The following LRSAM1 variants were observed in gnomAD, a reference collection of about 807,000 sequenced individuals.
LRSAM1 encodes the protein leucine rich repeat and sterile alpha motif containing 1, also known as E3 ubiquitin-protein ligase LRSAM1.
LRSAM1 carries 96 observed loss-of-function variants against 118.1 expected under a neutral mutation model. The observed-to-expected ratio is 0.81, with a 90% confidence interval of 0.69 to 0.96. LRSAM1 has a LOEUF of 0.96. Ranked by LOEUF, LRSAM1 falls within the 40% of genes least tolerant of loss-of-function variation. The pLI is 0.00. For synonymous variants in LRSAM1, 322 were observed against 364.2 expected (o/e 0.88, Z 1.32); for missense variants, 804 against 915.5 (o/e 0.88, Z 1.57).
intron 6 of LRSAM1, among the ~76,000 whole-genome samples, chr9:127,458,384 G>GTCTCAAAAAAAAAAA (rs1834604381): frequency 7.0e-6 from 1 of 143,790 alleles, no homozygotes; most frequent in Non-Finnish European, 1.5e-5. Flanking sequence ...GCGAGACTTC[G>GTCTCAAAAAAAAAAA]TCTCAAAAAC....
At chr9:127,475,093 A>G (rs1488261089) in intron 11 of LRSAM1, among the ~76,000 whole-genome samples, 1 of 152,072 alleles carries the variant, frequency 6.6e-6, no homozygotes, top group African/African-American at 2.4e-5. Context: ...AGCAAGAATT[A>G]GAGAGGGAGG....
intron 18 of LRSAM1, among the ~76,000 whole-genome samples, chr9:127,489,204 C>T (rs926007133): frequency 2.0e-5 from 3 of 152,150 alleles, no homozygotes; most frequent in Non-Finnish European, 2.9e-5. Flanking sequence ...AGCACCCCCA[C>T]GGTCCACTGT....
At chr9:127,486,215 G>A (rs1445957027) in intron 17 of LRSAM1, among the ~76,000 whole-genome samples, 3 of 152,260 alleles carry the variant, frequency 2.0e-5, no homozygotes, top group Non-Finnish European at 4.4e-5. Context: ...AGCAGGTGGC[G>A]GAGCCAGGAT....
intron 2 of LRSAM1, among the ~76,000 whole-genome samples, chr9:127,452,519 C>G (rs1430472088): frequency 6.6e-6 from 1 of 152,234 alleles, no homozygotes; most frequent in South Asian, 2.1e-4. Context: ...CCATGACTAT[C>G]TTCTCCCTAG....
At position 127,479,538 on chromosome 9, in the gene LRSAM1, C is replaced by T. The variant is rs760457324; in HGVS notation, c.903+33C>T. ...AGCCGCCTGCTAGGGTCCAGCCTGG[C>T]TGCATCCCCCAGCCAGTGGCCTCCT... On this transcript the variant is annotated intron_variant, in intron 13 of 25. Coordinates refer to ENST00000300417, the MANE Select transcript of LRSAM1 (RefSeq NM_001005373.4). The T allele has an allele frequency of 9.9e-6, 16 of 1,612,052 alleles. No individual in the cohort carries two copies. In the South Asian group the frequency reaches 1.8e-4, roughly 18 times the overall value.
chr9:127,502,198 CCA>C (rs1226309922), intron 25 of LRSAM1, among the ~76,000 whole-genome samples: 1 of 152,232 alleles, frequency 6.6e-6, no homozygotes, highest in South Asian at 2.1e-4. Context: ...AATATAATCC[CCA>C]GTTTTATTTA....
Position 127,502,874 on chromosome 9 carries a change from G to A in LRSAM1, c.2147G>A (p.Arg716His), listed in dbSNP as rs770610024. 28 of 1,606,834 alleles carry A rather than the reference G, an allele frequency of 1.7e-5. No homozygotes were observed. The highest frequency in any genetic ancestry group is 1.3e-4 in the East Asian group (6 of 44,508). Residue 716 changes from arginine (R) to histidine (H), a missense_variant, in exon 26 of 26, where the codon CGC becomes CAC. Transcript: ENST00000300417. ...CPLCRQDIAQRLRIYHSS is the reference protein window; with the variant it reads ...CPLCRQDIAQHLRIYHSS The stretch of plus-strand genomic sequence containing the variant: ...CTGTGCCGCCAGGACATCGCCCAGC[G>A]CCTCCGCATCTACCACAGCAGCTGA...
intron 15 of LRSAM1, 61 bp from the exon 16 acceptor site, chr9:127,482,889 T>C: frequency 2.7e-6 from 4 of 1,491,400 alleles, no homozygotes; most frequent in Non-Finnish European, 3.7e-6. Context: ...GGTGTTCATC[T>C]GCTGGGATTC....
Position 127,502,919 on chromosome 9 carries a change from G to A in LRSAM1, c.*20G>A. 6.3e-7 allele frequency: 1 copy of A among 1,579,728 alleles called. No homozygotes were observed. The highest frequency in any genetic ancestry group is 1.1e-5 in the South Asian group (1 of 87,004). On this transcript the variant is annotated 3_prime_UTR_variant, in exon 26 of 26. Transcript: ENST00000300417. ...AGCTGAGTGCTGCCCGCCCACCTGG[G>A]CCTGGTCCTAGCCCTGCCTCGGCCA...
intron 22 of LRSAM1, 75 bp downstream of exon 22, chr9:127,495,493 C>A (rs902352756): frequency 5.1e-6 from 6 of 1,173,988 alleles, no homozygotes; most frequent in South Asian, 2.5e-5. Flanking sequence ...GGTGCCTCCA[C>A]CATGCTCTGC....
At position 127,465,611 on chromosome 9, in the gene LRSAM1, C is replaced by G. The variant is rs1456556360; in HGVS notation, c.529-2129C>G. Among the ~76,000 whole-genome samples the G allele has an allele frequency of 1.3e-5, 2 of 152,242 alleles. No individual in the cohort carries two copies. The highest frequency in any genetic ancestry group is 4.8e-5 in the African/African-American group (2 of 41,460). On this transcript the variant is annotated intron_variant, in intron 9 of 25. Coordinates refer to ENST00000300417, the MANE Select transcript of LRSAM1 (RefSeq NM_001005373.4). This position sits in a 1 kb window ranked among gnomAD's most constrained non-coding sequence, Gnocchi z 4.1. ...CTGGGGCAGTCTCCCACTCCCTGTG[C>G]AAAGCACGTTCACTCAACACCCACC...
chr9:127,479,588 G>A, intron 13 of LRSAM1, 83 bp downstream of exon 13: 3 of 1,582,684 alleles, frequency 1.9e-6, no homozygotes, highest in South Asian at 1.1e-5. Context: ...TCCCTCGGAT[G>A]TGGAAAGGCA....
intron 15 of LRSAM1, 26 bp from the exon 16 acceptor site, chr9:127,482,924 G>A: frequency 6.5e-7 from 1 of 1,549,430 alleles, no homozygotes. Context: ...TAAATTTGCT[G>A]AATGAATGGA....
At chr9:127,458,143 G>A (rs903854102) in intron 6 of LRSAM1, among the ~76,000 whole-genome samples, 2 of 151,950 alleles carry the variant, frequency 1.3e-5, no homozygotes, top group African/African-American at 2.4e-5. Context: ...CACTTTGGGA[G>A]GCCAAGGCGG....
chr9:127,451,605 C>T lies in LRSAM1; in HGVS notation c.-253C>T. 2 of 516,876 alleles carry T rather than the reference C, an allele frequency of 3.9e-6. No individual in the cohort carries two copies. Among genetic ancestry groups the T allele is most frequent in the East Asian group, 3.1e-5 (1 of 31,932 alleles). 32.0% of individuals were successfully genotyped at this position (516,876 alleles called of 1,614,324 possible). ...GAAAGGGGGTTCGGGTAGTTCGCTCCGGAGAAGTCTGAGAAGGGTGGCTCC... is the reference window on the plus strand; with the variant it reads ...GAAAGGGGGTTCGGGTAGTTCGCTCTGGAGAAGTCTGAGAAGGGTGGCTCC... On this transcript the variant is annotated 5_prime_UTR_variant, in exon 1 of 26. Coordinates refer to ENST00000300417, the MANE Select transcript of LRSAM1 (RefSeq NM_001005373.4).
At chr9:127,498,414 G>A (rs760017824) in intron 24 of LRSAM1, among the ~76,000 whole-genome samples, 16 of 152,214 alleles carry the variant, frequency 1.1e-4, no homozygotes, top group Non-Finnish European at 1.8e-4. Context: ...GGTCACCCCC[G>A]GCAGACAAGC....
chr9:127,475,737 T>C lies in LRSAM1; in HGVS notation c.750+1806T>C, dbSNP rs2132052803. Reference sequence around the variant, plus strand: ...TGACAGTAGGTGTCAAAAAAGATTTTATTATTTTTTTATTTTTTTTTGAGA... The same window carrying C: ...TGACAGTAGGTGTCAAAAAAGATTTCATTATTTTTTTATTTTTTTTTGAGA... On this transcript the variant is annotated intron_variant, in intron 11 of 25. Transcript: ENST00000300417. Among the ~76,000 whole-genome samples, 3 of 151,930 alleles carry C rather than the reference T, an allele frequency of 2.0e-5. 1 individual carries two copies. In the Middle Eastern group the frequency reaches 0.01, roughly 517 times the overall value.
rs1233893359 is a variant in LRSAM1 at position 127,462,394 on chromosome 9, G to T, written c.528+21G>T. On this transcript the variant is annotated intron_variant, in intron 9 of 25. Coordinates refer to ENST00000300417, the MANE Select transcript of LRSAM1 (RefSeq NM_001005373.4). ...TGGAGGTAAATGGGAAGCTGTTCTT[G>T]CCTGGGGTGCTCTCTGGCCTGCCCA... 3 of 1,613,598 alleles carry T rather than the reference G, an allele frequency of 1.9e-6. No individual in the cohort carries two copies. The South Asian group carries it at 3.3e-5, about 18-fold the overall frequency.
At chr9:127,463,637 T>A (rs1834830886) in intron 9 of LRSAM1, among the ~76,000 whole-genome samples, 1 of 151,964 alleles carries the variant, frequency 6.6e-6, no homozygotes, top group African/African-American at 2.4e-5. Context: ...CTTAATTACC[T>A]CCTTAAAGAT....
Sources: gnomAD v4.1 joint callset for allele counts (sites outside exome capture counted in the v4.1 genomes callset) on GRCh38, gnomAD v4.1.1 for gene constraint, Gnocchi (gnomAD v3.1) non-coding constraint, MANE v1.5 for transcripts, NCBI Gene and HGNC (gene_info 2026-07-23, HGNC 2026-07-21) for gene names.